The following SHISA6 variants were observed in gnomAD, a reference collection of about 807,000 sequenced individuals.
SHISA6 encodes shisa family member 6, also known as protein shisa-6.
A neutral mutation model predicts 47.9 loss-of-function variants in SHISA6; 22 were observed. That is an observed-to-expected ratio of 0.46 (90% CI 0.33 to 0.66). SHISA6 has a LOEUF of 0.66. Among genes scored for constraint, SHISA6 ranks in the 30% least tolerant of loss-of-function variants. The probability of loss-of-function intolerance (pLI) is 0.02; values close to 1 mark genes in which losing one functional copy is unlikely to be tolerated. For synonymous variants in SHISA6, 388 were observed against 337.8 expected (o/e 1.15, Z -1.63); for missense variants, 680 against 764.6 (o/e 0.89, Z 1.30).
intron 1 of SHISA6, among the ~76,000 whole-genome samples, chr17:11,243,268 A>G (rs546886862): frequency 1.3e-5 from 2 of 152,008 alleles, no homozygotes; most frequent in South Asian, 4.2e-4. Flanking sequence ...AGAGAAAGGC[A>G]GATAGAAATT....
Position 11,326,522 on chromosome 17 carries a change from T to C in SHISA6, c.800-52892T>C, listed in dbSNP as rs536192472. On this transcript the variant is annotated intron_variant, in intron 2 of 5. Coordinates refer to ENST00000441885, the MANE Select transcript of SHISA6 (RefSeq NM_207386.4). ...ATGGTCTATCAGAAACAGAGCAGTC[T>C]TGGGGTTGGGGCCAAGCTCATTTAC... Among the ~76,000 whole-genome samples the C allele has an allele frequency of 6.6e-5, 10 of 152,164 alleles. 1 individual carries two copies. Among genetic ancestry groups the C allele is most frequent in the Non-Finnish European group, 1.5e-4 (10 of 68,032 alleles).
chr17:11,478,041 G>A (rs1278091813), intron 3 of SHISA6, among the ~76,000 whole-genome samples: 20 of 85,002 alleles, frequency 2.4e-4, no homozygotes, highest in Non-Finnish European at 4.0e-4. Flanking sequence ...CACCAACAGT[G>A]TAAAAGTGTT....
At chr17:11,270,548 A>G (rs1192741237) in intron 2 of SHISA6, among the ~76,000 whole-genome samples, 2 of 152,188 alleles carry the variant, frequency 1.3e-5, no homozygotes, top group Non-Finnish European at 1.5e-5. Flanking sequence ...AAAGGGCCAG[A>G]TCGTCAATAT....
chr17:11,399,553 C>G, intron 3 of SHISA6, among the ~76,000 whole-genome samples: 1 of 152,144 alleles, frequency 6.6e-6, no homozygotes, highest in South Asian at 2.1e-4. Context: ...TCCTGAGTAG[C>G]TGGGATTAGA....
intron 3 of SHISA6, among the ~76,000 whole-genome samples, chr17:11,393,767 T>C (rs1386440625): frequency 6.6e-6 from 1 of 152,234 alleles, no homozygotes; most frequent in Non-Finnish European, 1.5e-5. Context: ...AACAAGGCTC[T>C]ACATCATCTA....
chr17:11,477,725 C>T (rs1916089769), intron 3 of SHISA6, among the ~76,000 whole-genome samples: 1 of 149,766 alleles, frequency 6.7e-6, no homozygotes, highest in African/African-American at 2.5e-5. Flanking sequence ...CAGTTTCATC[C>T]ATGTCCCTAC....
chr17:11,273,903 C>G (rs899255444), intron 2 of SHISA6, among the ~76,000 whole-genome samples: 1 of 41,664 alleles, frequency 2.4e-5, no homozygotes, highest in African/African-American at 6.3e-5. Flanking sequence ...CCAGGCTTGT[C>G]CTGCGAGGAA....
At chr17:11,248,068 C>T (rs112529715) in intron 1 of SHISA6, among the ~76,000 whole-genome samples, 1 of 152,152 alleles carries the variant, frequency 6.6e-6, no homozygotes, top group African/African-American at 2.4e-5. Flanking sequence ...GACACGGAGC[C>T]TGGCCTCTAG....
At chr17:11,301,052 C>T (rs1909908525) in intron 2 of SHISA6, among the ~76,000 whole-genome samples, 1 of 152,162 alleles carries the variant, frequency 6.6e-6, no homozygotes, top group Non-Finnish European at 1.5e-5. Flanking sequence ...AGAACTTCTC[C>T]AGTACAGCTG....
intron 3 of SHISA6, among the ~76,000 whole-genome samples, chr17:11,391,669 A>C (rs1913390868): frequency 6.6e-6 from 1 of 152,170 alleles, no homozygotes; most frequent in African/African-American, 2.4e-5. Flanking sequence ...CGTGCTCCCC[A>C]GAGACTCAAC....
At chr17:11,367,121 A>G (rs1912477737) in intron 2 of SHISA6, among the ~76,000 whole-genome samples, 1 of 152,174 alleles carries the variant, frequency 6.6e-6, no homozygotes, top group Non-Finnish European at 1.5e-5. Context: ...TTTCATAGAG[A>G]AGGACAGTGG....
chr17:11,440,869 G>A (rs2142297137), intron 3 of SHISA6, among the ~76,000 whole-genome samples: 1 of 151,988 alleles, frequency 6.6e-6, no homozygotes, highest in Middle Eastern at 3.4e-3. Context: ...TCTTCTTACA[G>A]TTCCATTGAG....
intron 2 of SHISA6, among the ~76,000 whole-genome samples, chr17:11,369,915 CTAGGCACATTGAA>C (rs1912577984): frequency 6.6e-6 from 1 of 152,180 alleles, no homozygotes; most frequent in Admixed American, 6.5e-5. Context: ...CTGTGGGCTG[CTAGGCACATTGAA>C]TGTGCCCAGG....
At chr17:11,413,673 C>G (rs111672902) in intron 3 of SHISA6, among the ~76,000 whole-genome samples, 10 of 152,214 alleles carry the variant, frequency 6.6e-5, no homozygotes, top group African/African-American at 2.4e-4. Context: ...CTCATCACCC[C>G]ACAGGCTCAC....
intron 1 of SHISA6, among the ~76,000 whole-genome samples, chr17:11,249,396 C>T (rs1907718387): frequency 6.6e-6 from 1 of 152,128 alleles, no homozygotes; most frequent in Non-Finnish European, 1.5e-5. Flanking sequence ...TATAGCTCTG[C>T]AAGCCACGGA....
chr17:11,493,258 C>T (rs916128243), intron 3 of SHISA6, among the ~76,000 whole-genome samples: 1 of 151,920 alleles, frequency 6.6e-6, no homozygotes, highest in Non-Finnish European at 1.5e-5. Flanking sequence ...GACAGAGTCT[C>T]GCTCTGTCAC....
chr17:11,372,931 G>A (rs767336497), intron 2 of SHISA6, among the ~76,000 whole-genome samples: 6 of 151,728 alleles, frequency 4.0e-5, no homozygotes, highest in African/African-American at 9.7e-5. Flanking sequence ...AGCTACTTTC[G>A]GTTTTATTTC....
chr17:11,412,807 C>T (rs925278096), intron 3 of SHISA6, among the ~76,000 whole-genome samples: 3 of 152,152 alleles, frequency 2.0e-5, no homozygotes, highest in Non-Finnish European at 4.4e-5. Context: ...CCCACCACCC[C>T]TGGGCCCGGG....
chr17:11,279,756 T>G (rs2142159954), intron 2 of SHISA6, among the ~76,000 whole-genome samples: 1 of 152,132 alleles, frequency 6.6e-6, no homozygotes, highest in South Asian at 2.1e-4. Flanking sequence ...TTATTTTTTA[T>G]CCATAGCCGT....
Sources: gnomAD v4.1 joint callset for allele counts (sites outside exome capture counted in the v4.1 genomes callset) on GRCh38, gnomAD v4.1.1 for gene constraint, MANE v1.5 for transcripts, NCBI Gene and HGNC (gene_info 2026-07-23, HGNC 2026-07-21) for gene names.